Variants in ADAMTSL1 observed in about 807,000 individuals in gnomAD.
ADAMTSL1 encodes the protein ADAMTS-like protein 1.
A neutral mutation model predicts 201.8 loss-of-function variants in ADAMTSL1; 126 were observed. The ratio of observed to expected loss-of-function variants is 0.62; its 90% CI spans 0.54 to 0.72. The LOEUF is 0.72. ADAMTSL1 is among the 30% of genes least tolerant of loss of function. The pLI, the probability that ADAMTSL1 is intolerant of heterozygous loss-of-function variation, is 0.00. For missense variants in ADAMTSL1, 2,679 were observed against 2,277.8 expected (o/e 1.18, Z -3.59); for synonymous variants, 1,121 against 903.4 (o/e 1.24, Z -4.32).
At chr9:18,658,088 C>T (rs527577674) in intron 8 of ADAMTSL1, among the ~76,000 whole-genome samples, 1 of 151,932 alleles carries the variant, frequency 6.6e-6, no homozygotes, top group South Asian at 2.1e-4. Context: ...CATTCTCCTG[C>T]CTCAGCCTCC....
At chr9:18,747,811 G>C (rs1372341937) in intron 15 of ADAMTSL1, among the ~76,000 whole-genome samples, 1 of 152,190 alleles carries the variant, frequency 6.6e-6, no homozygotes, top group Non-Finnish European at 1.5e-5. Flanking sequence ...GATCCAGGCA[G>C]AGAGACAGGA....
intron 1 of ADAMTSL1, among the ~76,000 whole-genome samples, chr9:17,919,504 C>G (rs1421819654): frequency 6.6e-6 from 1 of 152,048 alleles, no homozygotes; most frequent in Non-Finnish European, 1.5e-5. Context: ...CTAGCCTAAA[C>G]AACCACTTAT....
At chr9:18,287,376 TG>T (rs1030613441) in intron 2 of ADAMTSL1, among the ~76,000 whole-genome samples, 1 of 151,882 alleles carries the variant, frequency 6.6e-6, no homozygotes, top group Non-Finnish European at 1.5e-5. Flanking sequence ...CACACATACA[TG>T]TATATATGTG....
chr9:18,598,272 A>G (rs1025800893), intron 4 of ADAMTSL1, among the ~76,000 whole-genome samples: 3 of 152,176 alleles, frequency 2.0e-5, no homozygotes, highest in African/African-American at 7.2e-5. Flanking sequence ...TATGACCAGC[A>G]TCAGGGCAGG....
intron 2 of ADAMTSL1, among the ~76,000 whole-genome samples, chr9:18,399,821 G>C (rs1274477138): frequency 6.6e-6 from 1 of 152,084 alleles, no homozygotes; most frequent in Non-Finnish European, 1.5e-5. Context: ...TCCTAGAGTT[G>C]CCTTTGTTCC....
intron 14 of ADAMTSL1, among the ~76,000 whole-genome samples, chr9:18,714,412 A>T (rs1331574265): frequency 2.6e-5 from 4 of 152,314 alleles, no homozygotes; most frequent in African/African-American, 7.2e-5. Flanking sequence ...GATAAAGGGG[A>T]TATCACCACC....
chr9:18,573,888 G>C (rs936723388), intron 3 of ADAMTSL1, 142 bp from the exon 4 acceptor site: 2 of 649,784 alleles, frequency 3.1e-6, no homozygotes, highest in Admixed American at 2.5e-5. Flanking sequence ...TAACCTCTAA[G>C]ATGATATTAT....
At chr9:18,693,475 T>C (rs1831361174) in intron 13 of ADAMTSL1, among the ~76,000 whole-genome samples, 1 of 152,218 alleles carries the variant, frequency 6.6e-6, no homozygotes, top group South Asian at 2.1e-4. Flanking sequence ...AGTTTTCTTA[T>C]GGTTTCTATA....
intron 9 of ADAMTSL1, among the ~76,000 whole-genome samples, chr9:18,668,941 T>C (rs62550596): frequency 0.13 from 20,010 of 152,256 alleles, 1,490 homozygotes; most frequent in Middle Eastern, 0.16. Flanking sequence ...CAAAAGCAAA[T>C]TGGGATGTGG....
In ADAMTSL1 at chr9:18,009,042, C is replaced by T. The variant is rs2131551416; in HGVS notation, c.87+102120C>T. Among the ~76,000 whole-genome samples, 5 of 152,012 alleles carry T rather than the reference C, an allele frequency of 3.3e-5. 1 individual carries two copies. In the South Asian group the frequency reaches 1.0e-3, roughly 32 times the overall value. ...CATGTCTCTTGCTGGTTACTCTCCC[C>T]TGCAGATCTGCACTCTAGCTCTGCT... On this transcript the variant is annotated intron_variant, in intron 1 of 29. Transcript: ENST00000680146.
chr9:18,668,223 A>C (rs2133072360), intron 9 of ADAMTSL1, among the ~76,000 whole-genome samples: 1 of 152,336 alleles, frequency 6.6e-6, no homozygotes, highest in African/African-American at 2.4e-5. Flanking sequence ...TAATAAGTAA[A>C]CAATAAGAAA....
chr9:18,513,347 C>A, intron 2 of ADAMTSL1, among the ~76,000 whole-genome samples: 1 of 152,324 alleles, frequency 6.6e-6, no homozygotes, highest in South Asian at 2.1e-4. Context: ...CTTCTACTGT[C>A]TGCTTCTATG....
chr9:18,639,140 A>G (rs1489113661), intron 6 of ADAMTSL1, 114 bp from the exon 7 acceptor site: 5 of 979,250 alleles, frequency 5.1e-6, no homozygotes, highest in East Asian at 2.5e-5. Context: ...TGTCAGCTAT[A>G]TAAAGAATGA....
At chr9:17,965,574 A>G (rs1439029070) in intron 1 of ADAMTSL1, among the ~76,000 whole-genome samples, 2 of 152,166 alleles carry the variant, frequency 1.3e-5, no homozygotes, top group South Asian at 4.1e-4. Context: ...AACCAAACCA[A>G]CCAAGTCCTG....
intron 13 of ADAMTSL1, among the ~76,000 whole-genome samples, chr9:18,688,719 T>A (rs1192961917): frequency 2.1e-5 from 2 of 97,484 alleles, no homozygotes; most frequent in Non-Finnish European, 4.0e-5. Flanking sequence ...TGACTGTGAC[T>A]AAGAATGCCT....
At chr9:17,908,803 C>T (rs1040304114) in intron 1 of ADAMTSL1, among the ~76,000 whole-genome samples, 31 of 152,148 alleles carry the variant, frequency 2.0e-4, no homozygotes, top group Non-Finnish European at 1.5e-4. Flanking sequence ...GTCTTTATAG[C>T]AGCATGATTT....
At chr9:18,019,952 G>A (rs561500429) in intron 1 of ADAMTSL1, among the ~76,000 whole-genome samples, 2 of 152,176 alleles carry the variant, frequency 1.3e-5, no homozygotes, top group Non-Finnish European at 1.5e-5. Flanking sequence ...GAATCACTAT[G>A]CACCAGTGAC....
rs531881117 is a variant in ADAMTSL1 at position 17,982,110 on chromosome 9, G to T, written c.87+75188G>T. Among the ~76,000 whole-genome samples the T allele has an allele frequency of 5.3e-5, 8 of 152,210 alleles. No individual in the cohort carries two copies. The South Asian group carries it at 1.5e-3, about 28-fold the overall frequency. On this transcript the variant is annotated intron_variant, in intron 1 of 29. Coordinates refer to the ADAMTSL1 transcript ENST00000680146. ...ATGGATAGTTCTCTTTTAAATACTG[G>T]TGTTCCTCTCTCTTGTTTTATAGTT... is the stretch of plus-strand genomic sequence containing the variant.
intron 2 of ADAMTSL1, among the ~76,000 whole-genome samples, chr9:18,268,583 C>T (rs13286417): frequency 0.42 from 63,776 of 151,912 alleles, 14,449 homozygotes; most frequent in South Asian, 0.54. Flanking sequence ...CTCTAGACTC[C>T]GGGGAATATG....
Sources: gnomAD v4.1 joint callset for allele counts (sites outside exome capture counted in the v4.1 genomes callset) on GRCh38, gnomAD v4.1.1 for gene constraint, MANE v1.5 for transcripts, NCBI Gene and HGNC (gene_info 2026-07-23, HGNC 2026-07-21) for gene names.